The following MED12L variants were observed in gnomAD, a reference collection of about 807,000 sequenced individuals.
MED12L encodes the protein mediator complex subunit 12L.
MED12L carries 60 observed loss-of-function variants against 281.3 expected under a neutral mutation model. The observed-to-expected ratio is 0.21, with a 90% CI of 0.17 to 0.26. MED12L has a LOEUF of 0.26. MED12L is among the 10% of genes least tolerant of loss of function. The probability of loss-of-function intolerance (pLI) is 1.00; values close to 1 mark genes in which losing one functional copy is unlikely to be tolerated. For synonymous variants in MED12L, 974 were observed against 987.2 expected, an observed-to-expected ratio of 0.99 and a Z score of 0.25; for missense variants, 2,146 against 2,680.9, an observed-to-expected ratio of 0.80 and a Z score of 4.41.
At chr3:151,293,670 C>T (rs1374380840) in intron 16 of MED12L, among the ~76,000 whole-genome samples, 1 of 142,220 alleles carries the variant, frequency 7.0e-6, no homozygotes, top group Non-Finnish European at 1.5e-5. Flanking sequence ...CACACACACA[C>T]ACACACACCC....
At chr3:151,144,477 C>T (rs1161231969) in intron 5 of MED12L, among the ~76,000 whole-genome samples, 1 of 152,158 alleles carries the variant, frequency 6.6e-6, no homozygotes, top group Non-Finnish European at 1.5e-5. Context: ...GTGCTCTTGT[C>T]AGACCCTCCC....
chr3:151,407,199 C>T (rs375415896), intron 39 of MED12L, among the ~76,000 whole-genome samples: 18 of 152,260 alleles, frequency 1.2e-4, no homozygotes, highest in Admixed American at 9.8e-4. Flanking sequence ...TTCTAGCTCC[C>T]CCCACCATGT....
At chr3:151,239,857 G>A (rs1733723063) in intron 16 of MED12L, among the ~76,000 whole-genome samples, 1 of 152,146 alleles carries the variant, frequency 6.6e-6, no homozygotes, top group Non-Finnish European at 1.5e-5. Context: ...ATCAAAAAAG[G>A]ACACCACATT....
rs145863357 is a variant in MED12L, at chr3:151,331,401, C to G, written c.2251-18658C>G. On this transcript the variant is annotated intron_variant, in intron 16 of 44. Coordinates refer to ENST00000687756, the MANE Select transcript of MED12L (RefSeq NM_001393769.1). Reference sequence around the variant, plus strand: ...TTCTTTTCTTATGACCTTAGGCAAGCTGCTTATGCCCACTATGAAATGGTT... The same window carrying G: ...TTCTTTTCTTATGACCTTAGGCAAGGTGCTTATGCCCACTATGAAATGGTT... 6.6e-5 allele frequency among the ~76,000 whole-genome samples: 10 copies of G among 152,268 alleles called. No homozygotes were observed. The East Asian group carries it at 1.9e-3, about 29-fold the overall frequency.
rs1015858724 is a variant in MED12L at position 151,190,874 on chromosome 3, A to C, written c.1911A>C (p.Ser637=). 1 of 1,614,152 alleles carries C rather than the reference A, an allele frequency of 6.2e-7. No individual in the cohort carries two copies. The highest frequency in any genetic ancestry group is 1.3e-5 in the African/African-American group (1 of 75,028). The change falls in exon 14 of 45, where the codon TCA becomes TCC. Residue 637 remains serine, a synonymous_variant. Coordinates refer to ENST00000687756, the MANE Select transcript of MED12L (RefSeq NM_001393769.1). ...LSVTASTRPR[S]PVGENADEHY... is the part of the protein sequence containing the mutation. ...TCACTGCCTCAACTCGGCCGCGGTC[A>C]CCAGTAGGGGAAAATGCAGATGAAC...
intron 16 of MED12L, among the ~76,000 whole-genome samples, chr3:151,222,740 T>C (rs1404139804): frequency 6.6e-6 from 1 of 152,216 alleles, no homozygotes; most frequent in Non-Finnish European, 1.5e-5. Flanking sequence ...ATGCTGCTGG[T>C]CCATGTACCA....
chr3:151,295,261 A>G, intron 16 of MED12L: 2 of 1,290,424 alleles, frequency 1.5e-6, no homozygotes, highest in South Asian at 1.3e-5. Flanking sequence ...AAGCATGCCC[A>G]CAGGCTACTA....
At position 151,193,621 on chromosome 3, in the gene MED12L, C is replaced by A; in HGVS notation, c.2205C>A (p.Asp735Glu). The A allele has an allele frequency of 6.2e-7, 1 of 1,614,096 alleles. No individual in the cohort carries two copies. The highest frequency in any genetic ancestry group is 8.5e-7 in the Non-Finnish European group (1 of 1,179,954). Residue 735 changes from aspartate to glutamate, a missense_variant, in exon 16 of 45, where the codon GAC (aspartate) becomes GAA (glutamate). By Grantham distance (45) the Asp-to-Glu change is conservative (BLOSUM62 2). Transcript: ENST00000687756. ...AATTAATTTTTCCATCTAATTATGA[C>A]CTCCTTCGCCACTTACAGTATGCAA... Reference protein sequence around the residue: ...PRELIFPSNYDLLRHLQYATH... With the variant: ...PRELIFPSNYELLRHLQYATH...
chr3:151,321,318 G>C (rs1243133344), intron 16 of MED12L, among the ~76,000 whole-genome samples: 1 of 152,112 alleles, frequency 6.6e-6, no homozygotes, highest in Non-Finnish European at 1.5e-5. Context: ...GCTGAGGTTA[G>C]AATATATGGG....
intron 15 of MED12L, 113 bp downstream of exon 15, chr3:151,192,767 C>A: frequency 1.4e-6 from 1 of 723,490 alleles, no homozygotes; most frequent in Non-Finnish European, 2.4e-6. Flanking sequence ...GATATGTAAT[C>A]TTGCCATATT....
rs2107951114 is a variant in MED12L at position 151,368,234 on chromosome 3, T to G, written c.3533T>G (p.Phe1178Cys). The change falls in exon 25 of 45, where the codon TTC becomes TGC. Residue 1178 changes from phenylalanine (F) to cysteine (C), a missense_variant. Phe to Cys is a radical substitution (Grantham distance 205). Coordinates refer to ENST00000687756, the MANE Select transcript of MED12L (RefSeq NM_001393769.1). ...LHLFRAPQAC[F>C]LPQATGKPFP... Reference sequence around the variant, plus strand: ...CTCTTCCGAGCTCCCCAGGCCTGCTTCTTACCTCAAGCAACGGGTGAGCTG... The same window carrying G: ...CTCTTCCGAGCTCCCCAGGCCTGCTGCTTACCTCAAGCAACGGGTGAGCTG... The G allele has an allele frequency of 1.2e-6, 2 of 1,613,916 alleles. No homozygotes were observed. Among genetic ancestry groups the G allele is most frequent in the Admixed American group, 1.7e-5 (1 of 60,000 alleles).
chr3:151,378,464 A>G (rs1711622563), intron 31 of MED12L, among the ~76,000 whole-genome samples: 1 of 152,114 alleles, frequency 6.6e-6, no homozygotes, highest in African/African-American at 2.4e-5. Flanking sequence ...CTGGATAGCT[A>G]CCTGATCCCT....
At chr3:151,316,159 A>T (rs1260976160) in intron 16 of MED12L, among the ~76,000 whole-genome samples, 1 of 152,178 alleles carries the variant, frequency 6.6e-6, no homozygotes, top group Non-Finnish European at 1.5e-5. Flanking sequence ...AGATTATTTT[A>T]TCAAAATGAG....
At chr3:151,156,351 A>G (rs1281480429) in intron 6 of MED12L, 21 bp downstream of exon 6, 1 of 1,584,040 alleles carries the variant, frequency 6.3e-7, no homozygotes, top group Admixed American at 1.8e-5. Context: ...GAAGACATGC[A>G]GAGTTGTGTG....
chr3:151,436,151 T>A lies in MED12L; in HGVS notation c.*3347T>A, dbSNP rs1483202076. ...AAAACATTTTTGTATTCCCCATCAA[T>A]GAAAATTTTCAGTGTGAACAAATGG... On this transcript the variant is annotated 3_prime_UTR_variant, in exon 45 of 45. Coordinates refer to ENST00000687756, the MANE Select transcript of MED12L (RefSeq NM_001393769.1). The A allele has an allele frequency of 2.6e-5, 4 of 152,296 alleles. No individual in the cohort carries two copies. Among genetic ancestry groups the A allele is most frequent in the African/African-American group, 9.6e-5 (4 of 41,462 alleles). 9.4% of individuals were successfully genotyped at this position (152,296 alleles called of 1,614,324 possible). A position where few individuals can be genotyped will look rare whatever the true frequency, so the allele number is the denominator to read the frequency against.
At chr3:151,208,411 G>A (rs1437678057) in intron 16 of MED12L, among the ~76,000 whole-genome samples, 6 of 152,184 alleles carry the variant, frequency 3.9e-5, no homozygotes, top group Admixed American at 6.5e-5. Context: ...CATTGAGGCC[G>A]GGCGCTCACG....
intron 5 of MED12L, among the ~76,000 whole-genome samples, chr3:151,132,068 A>G (rs1715478765): frequency 6.6e-6 from 1 of 152,182 alleles, no homozygotes; most frequent in African/African-American, 2.4e-5. Context: ...TATTAACTCC[A>G]TGAAGATCAA....
At chr3:151,160,505 C>T (rs912288988) in intron 8 of MED12L, among the ~76,000 whole-genome samples, 27 of 152,266 alleles carry the variant, frequency 1.8e-4, no homozygotes, top group Admixed American at 9.8e-4. Flanking sequence ...GGGTTCCGTT[C>T]GTCTTCCAAG....
At position 151,327,853 on chromosome 3, in the gene MED12L, A is replaced by G. The variant is rs1749830482; in HGVS notation, c.2251-22206A>G. Reference sequence around the variant, plus strand: ...ATAGATCTATGTGGATTTAAATTTTATATAATCTTTTCTGTACACGAGGAT... The same window carrying G: ...ATAGATCTATGTGGATTTAAATTTTGTATAATCTTTTCTGTACACGAGGAT... On this transcript the variant is annotated intron_variant, in intron 16 of 44. Transcript: ENST00000687756. 6.4e-6 allele frequency: 4 copies of G among 623,276 alleles called. No homozygotes were observed. The East Asian group carries it at 1.1e-4, about 18-fold the overall frequency. 38.6% of individuals were successfully genotyped at this position (623,276 alleles called of 1,614,324 possible).
Sources: allele counts gnomAD v4.1 joint callset (sites outside exome capture counted in the v4.1 genomes callset), GRCh38; gene constraint gnomAD v4.1.1; transcripts MANE v1.5; gene names NCBI Gene and HGNC (gene_info 2026-07-23, HGNC 2026-07-21).